Variants in NRXN3 observed in about 807,000 individuals in gnomAD.
The protein encoded by NRXN3 is neurexin III.
In NRXN3, 32 loss-of-function variants were observed where a neutral mutation model predicts 137.6. That is an observed-to-expected ratio of 0.23 (90% CI 0.18 to 0.31). NRXN3 has a LOEUF of 0.31. Among genes scored for constraint, NRXN3 ranks in the 10% least tolerant of loss-of-function variants. The probability of loss-of-function intolerance (pLI) is 1.00; values close to 1 mark genes in which losing one functional copy is unlikely to be tolerated. For missense variants in NRXN3, 1,574 were observed against 2,062.5 expected, an observed-to-expected ratio of 0.76 and a Z score of 4.59; for synonymous variants, 798 against 784.5, an observed-to-expected ratio of 1.02 and a Z score of -0.29.
At chr14:78,580,455 A>G (rs958098760) in intron 4 of NRXN3, among the ~76,000 whole-genome samples, 1 of 152,190 alleles carries the variant, frequency 6.6e-6, no homozygotes, top group Admixed American at 6.5e-5. Context: ...GCTCCCAAGA[A>G]GCATTCTCTC....
At chr14:78,885,451 C>T (rs530483610) in intron 10 of NRXN3, among the ~76,000 whole-genome samples, 65 of 151,924 alleles carry the variant, frequency 4.3e-4, no homozygotes, top group Middle Eastern at 6.8e-3. Flanking sequence ...TGATTTTAAC[C>T]GCCAAACAAA....
intron 16 of NRXN3, among the ~76,000 whole-genome samples, chr14:79,572,299 C>CT (rs2097613218): frequency 6.6e-6 from 1 of 152,252 alleles, no homozygotes; most frequent in South Asian, 2.1e-4. Context: ...TCAATAAAAT[C>CT]TAAGATACCA....
At chr14:78,462,884 T>G (rs145193729) in intron 4 of NRXN3, among the ~76,000 whole-genome samples, 112 of 152,244 alleles carry the variant, frequency 7.4e-4, no homozygotes, top group African/African-American at 2.6e-3. Flanking sequence ...TGGGTACAAG[T>G]GCAGTTTTGT....
intron 19 of NRXN3, among the ~76,000 whole-genome samples, chr14:79,777,280 T>C (rs561661681): frequency 3.7e-4 from 56 of 152,258 alleles, no homozygotes; most frequent in African/African-American, 1.3e-3. Flanking sequence ...TAAATTTGAG[T>C]TGTCTTTGCA....
intron 4 of NRXN3, among the ~76,000 whole-genome samples, chr14:78,329,757 C>T (rs2080559657): frequency 6.6e-6 from 1 of 152,104 alleles, no homozygotes; most frequent in South Asian, 2.1e-4. Flanking sequence ...GGGATCAGCA[C>T]CTGGAAGCCC....
At chr14:79,669,826 A>G (rs2098596501) in intron 17 of NRXN3, among the ~76,000 whole-genome samples, 1 of 152,018 alleles carries the variant, frequency 6.6e-6, no homozygotes, top group Admixed American at 6.6e-5. Context: ...CTATGGGTAC[A>G]TTGTAAATTG....
chr14:79,718,136 G>C (rs2098829915), intron 19 of NRXN3, among the ~76,000 whole-genome samples: 1 of 152,164 alleles, frequency 6.6e-6, no homozygotes. Context: ...CCTGATGGGT[G>C]GGTAGGTAGT....
intron 15 of NRXN3, among the ~76,000 whole-genome samples, chr14:79,177,047 GA>G (rs2062415927): frequency 6.6e-6 from 1 of 152,184 alleles, no homozygotes; most frequent in African/African-American, 2.4e-5. Flanking sequence ...TAGCTCTAGA[GA>G]AAAATATTTT....
chr14:78,804,618 A>T (rs1453858086), intron 9 of NRXN3, among the ~76,000 whole-genome samples: 5 of 152,082 alleles, frequency 3.3e-5, no homozygotes, highest in African/African-American at 1.2e-4. Context: ...TTGTGGCTTT[A>T]TTGGAATAGG....
intron 8 of NRXN3, among the ~76,000 whole-genome samples, chr14:78,749,953 A>C (rs950460395): frequency 2.6e-5 from 4 of 152,234 alleles, no homozygotes; most frequent in Admixed American, 2.6e-4. Flanking sequence ...AATTTTCTCT[A>C]TCTGAAGATC....
intron 8 of NRXN3, among the ~76,000 whole-genome samples, chr14:78,731,087 T>C (rs1308067651): frequency 6.6e-6 from 1 of 152,212 alleles, no homozygotes; most frequent in Admixed American, 6.5e-5. Context: ...GTTTTTTTCT[T>C]ATGTGGAGAA....
At chr14:78,259,094 T>C (rs2070204196) in intron 2 of NRXN3, among the ~76,000 whole-genome samples, 1 of 145,820 alleles carries the variant, frequency 6.9e-6, no homozygotes, top group Admixed American at 7.0e-5. Context: ...ATCGTGCTAC[T>C]GCACTCCAGC....
chr14:78,224,831 A>G (rs1175901614), intron 1 of NRXN3, among the ~76,000 whole-genome samples: 1 of 133,088 alleles, frequency 7.5e-6, no homozygotes, highest in African/African-American at 2.8e-5. Flanking sequence ...CAGTGGCGCA[A>G]TCTCGGCTCA....
At chr14:79,033,847 A>C (rs1470997971) in intron 15 of NRXN3, among the ~76,000 whole-genome samples, 1 of 152,120 alleles carries the variant, frequency 6.6e-6, no homozygotes, top group African/African-American at 2.4e-5. Context: ...GACTAGTTTC[A>C]GCCGGAGCTC....
chr14:79,140,517 G>A (rs929456426), intron 15 of NRXN3, among the ~76,000 whole-genome samples: 4 of 151,050 alleles, frequency 2.6e-5, no homozygotes, highest in African/African-American at 9.8e-5. Flanking sequence ...AGTGGATAAT[G>A]ATTTTTTTAA....
intron 15 of NRXN3, among the ~76,000 whole-genome samples, chr14:79,125,361 A>G (rs374716608): frequency 2.0e-5 from 3 of 152,208 alleles, no homozygotes; most frequent in African/African-American, 4.8e-5. Flanking sequence ...AGTTCCACCT[A>G]CCTTGTTCAG....
intron 15 of NRXN3, among the ~76,000 whole-genome samples, chr14:79,094,348 G>A (rs745586727): frequency 9.2e-5 from 14 of 152,172 alleles, no homozygotes; most frequent in Non-Finnish European, 7.4e-5. Context: ...GGACCACAAA[G>A]CATAAGCATC....
chr14:78,425,410 G>T (rs2153681896), intron 4 of NRXN3, among the ~76,000 whole-genome samples: 1 of 152,290 alleles, frequency 6.6e-6, no homozygotes, highest in African/African-American at 2.4e-5. Flanking sequence ...ATTTTAGCAT[G>T]TACAGGAATG....
chr14:79,063,813 G>T (rs1427896793), intron 15 of NRXN3, among the ~76,000 whole-genome samples: 1 of 152,054 alleles, frequency 6.6e-6, no homozygotes, highest in African/African-American at 2.4e-5. Context: ...TACCATTAAA[G>T]AACCAAATAA....
Sources: allele counts gnomAD v4.1 joint callset (sites outside exome capture counted in the v4.1 genomes callset), GRCh38; gene constraint gnomAD v4.1.1; transcripts MANE v1.5; gene names NCBI Gene and HGNC (gene_info 2026-07-23, HGNC 2026-07-21).